The following ANKS1B variants were observed in gnomAD, a reference collection of about 807,000 sequenced individuals.
The protein encoded by ANKS1B is ankyrin repeat and sterile alpha motif domain-containing protein 1B.
A neutral mutation model predicts 148.3 loss-of-function variants in ANKS1B; 36 were observed. The observed-to-expected ratio is 0.24, with a 90% CI of 0.19 to 0.32. The LOEUF is 0.32. Among genes scored for constraint, ANKS1B ranks in the 10% least tolerant of loss-of-function variants. The pLI, the probability that ANKS1B is intolerant of heterozygous loss-of-function variation, is 1.00. For synonymous variants in ANKS1B, 542 were observed against 560.8 expected (o/e 0.97, Z 0.47); for missense variants, 1,157 against 1,542.6 (o/e 0.75, Z 4.19).
intron 17 of ANKS1B, among the ~76,000 whole-genome samples, chr12:99,002,935 T>C (rs1438108535): frequency 6.6e-6 from 1 of 152,206 alleles, no homozygotes; most frequent in East Asian, 1.9e-4. Flanking sequence ...GATTTTCCCT[T>C]ATGCTTTCTC....
chr12:99,881,095 T>C (rs1159649255), intron 1 of ANKS1B, among the ~76,000 whole-genome samples: 2 of 152,156 alleles, frequency 1.3e-5, no homozygotes, highest in Non-Finnish European at 1.5e-5. Flanking sequence ...TTTTCCTTAG[T>C]ATCCCCCAGT....
At chr12:99,480,072 A>G (rs567814464) in intron 10 of ANKS1B, among the ~76,000 whole-genome samples, 1 of 151,962 alleles carries the variant, frequency 6.6e-6, no homozygotes, top group Admixed American at 6.6e-5. Context: ...AAATACATAG[A>G]TGACTAGGAC....
chr12:99,967,572 C>T (rs1027435272), intron 1 of ANKS1B, among the ~76,000 whole-genome samples: 1 of 152,096 alleles, frequency 6.6e-6, no homozygotes, highest in Non-Finnish European at 1.5e-5. Flanking sequence ...GTACAAGTCA[C>T]TCCATTACAT....
chr12:99,844,925 G>A (rs1018428081), intron 1 of ANKS1B, among the ~76,000 whole-genome samples: 2 of 152,044 alleles, frequency 1.3e-5, no homozygotes, highest in Non-Finnish European at 2.9e-5. Context: ...GGGGTTTGTA[G>A]TTCTTTTTAA....
intron 14 of ANKS1B, among the ~76,000 whole-genome samples, chr12:99,167,125 C>T (rs1436576184): frequency 1.3e-5 from 2 of 151,896 alleles, no homozygotes; most frequent in Admixed American, 6.6e-5. Flanking sequence ...GTATCATAGG[C>T]CTACCCATAC....
intron 8 of ANKS1B, among the ~76,000 whole-genome samples, chr12:99,723,619 A>T (rs1477487932): frequency 6.6e-6 from 1 of 151,596 alleles, no homozygotes; most frequent in Non-Finnish European, 1.5e-5. Flanking sequence ...TCAGCAAAGC[A>T]CTCCCCCTCC....
At chr12:99,327,684 A>G (rs1224036736) in intron 12 of ANKS1B, among the ~76,000 whole-genome samples, 2 of 149,910 alleles carry the variant, frequency 1.3e-5, no homozygotes, top group Non-Finnish European at 3.0e-5. Context: ...CAAGCAAAAT[A>G]AAAGTCGGTT....
At chr12:99,055,482 AC>A (rs2099969004) in intron 16 of ANKS1B, among the ~76,000 whole-genome samples, 1 of 152,152 alleles carries the variant, frequency 6.6e-6, no homozygotes, top group Non-Finnish European at 1.5e-5. Flanking sequence ...ACCACAGGTT[AC>A]CCCCAAGCAC....
At chr12:98,788,142 C>T (rs2098813932) in intron 22 of ANKS1B, among the ~76,000 whole-genome samples, 2 of 151,758 alleles carry the variant, frequency 1.3e-5, no homozygotes, top group Admixed American at 1.3e-4. Context: ...TGGTGGCTCA[C>T]GCCTGTAATC....
chr12:99,268,711 T>TA (rs1481010732), intron 12 of ANKS1B, among the ~76,000 whole-genome samples: 1 of 152,162 alleles, frequency 6.6e-6, no homozygotes, highest in Non-Finnish European at 1.5e-5. Flanking sequence ...TATTCTAAAT[T>TA]AAAAAACAAT....
intron 9 of ANKS1B, among the ~76,000 whole-genome samples, chr12:99,644,644 A>G (rs2098341797): frequency 6.6e-6 from 1 of 152,064 alleles, no homozygotes. Context: ...TTACAGCAGC[A>G]CTCCACTTCC....
intron 8 of ANKS1B, among the ~76,000 whole-genome samples, chr12:99,686,391 T>C (rs533012599): frequency 8.2e-4 from 125 of 152,236 alleles, no homozygotes; most frequent in Non-Finnish European, 1.4e-3. Context: ...AAATACCTCA[T>C]TGTAGCCAAT....
chr12:99,349,876 G>A (rs1275601018), intron 12 of ANKS1B, among the ~76,000 whole-genome samples: 1 of 151,940 alleles, frequency 6.6e-6, no homozygotes, highest in Non-Finnish European at 1.5e-5. Flanking sequence ...TATGGATGAT[G>A]GATATACAAC....
intron 10 of ANKS1B, among the ~76,000 whole-genome samples, chr12:99,498,448 T>C (rs909961823): frequency 2.6e-5 from 4 of 152,152 alleles, no homozygotes; most frequent in Non-Finnish European, 4.4e-5. Context: ...TGGAGTGCCA[T>C]ACCTTATTCA....
intron 17 of ANKS1B, among the ~76,000 whole-genome samples, chr12:98,994,648 GGGTTAGAAGTCTAAGGTCAAGGTGTC>G (rs969451016): frequency 3.3e-5 from 5 of 152,098 alleles, no homozygotes; most frequent in African/African-American, 1.2e-4. Flanking sequence ...ACAGTTTTGG[GGGTTAGAAGTCTAAGGTCAAGGTGTC>G]GGCAGGGCTG....
chr12:99,504,595 G>C lies in ANKS1B; in HGVS notation c.1319C>G (p.Ser440Cys). 6.2e-7 allele frequency: 1 copy of C among 1,610,688 alleles called. No individual in the cohort carries two copies. Among genetic ancestry groups the C allele is most frequent in the Non-Finnish European group, 8.5e-7 (1 of 1,178,240 alleles). Reference sequence around the variant, plus strand: ...TGAAGGAAATGTATCCAGAGAAGCAGATGGTACAATTTCCATAGTGTAATT... The same window carrying C: ...TGAAGGAAATGTATCCAGAGAAGCACATGGTACAATTTCCATAGTGTAATT... ...KRNYTMEIVP[S>C]ASLDTFPSEN... is the part of the protein sequence containing the mutation. The change falls in exon 10 of 27, where the codon TCT (serine) becomes TGT (cysteine). Residue 440 changes from serine (S) to cysteine (C), a missense_variant. Physicochemically the swap from Ser to Cys is moderately radical, Grantham distance 112. Around this residue, in one of 6 missense-constraint regions of ANKS1B, gnomAD observed 661 missense variants for 642.1 expected, o/e 1.03. Coordinates refer to ENST00000683438, the MANE Select transcript of ANKS1B (RefSeq NM_001352186.2).
chr12:98,920,585 C>T (rs1311397844), intron 17 of ANKS1B, among the ~76,000 whole-genome samples: 2 of 152,172 alleles, frequency 1.3e-5, no homozygotes, highest in Non-Finnish European at 2.9e-5. Context: ...TTCACTATCA[C>T]GAGAACAGCA....
intron 9 of ANKS1B, among the ~76,000 whole-genome samples, chr12:99,609,230 TA>T (rs1215430376): frequency 6.6e-6 from 1 of 151,998 alleles, no homozygotes; most frequent in African/African-American, 2.4e-5. Context: ...TACAGCCTTT[TA>T]AAAAAATCCT....
rs60945866 is a variant in ANKS1B at position 99,310,515 on chromosome 12, T to C, written c.1757-63651A>G. Among the ~76,000 whole-genome samples, 1,064 of 152,288 alleles carry C rather than the reference T, an allele frequency of 7.0e-3. 16 individuals are homozygous for C. Among genetic ancestry groups the C allele is most frequent in the African/African-American group, 0.024 (1,009 of 41,558 alleles). ...TTCTATTAGCGAGGATTCTTCCTACTTGACTACCTTCGGATTGAGACATTA... is the reference window on the plus strand; with the variant it reads ...TTCTATTAGCGAGGATTCTTCCTACCTGACTACCTTCGGATTGAGACATTA... On this transcript the variant is annotated intron_variant, in intron 12 of 26. Coordinates refer to ENST00000683438, the MANE Select transcript of ANKS1B (RefSeq NM_001352186.2).
Sources: allele counts gnomAD v4.1 joint callset (sites outside exome capture counted in the v4.1 genomes callset), GRCh38; gene constraint gnomAD v4.1.1; regional missense constraint gnomAD v4.1.1; transcripts MANE v1.5; gene names NCBI Gene and HGNC (gene_info 2026-07-23, HGNC 2026-07-21).